CAPZA2: variants seen among roughly 807,000 people sequenced by gnomAD.
CAPZA2 encodes F-actin-capping protein subunit alpha-2.
CAPZA2 carries 13 observed loss-of-function variants against 44.0 expected under a neutral mutation model. That is an observed-to-expected ratio of 0.30 (90% CI 0.19 to 0.47). The LOEUF (loss-of-function observed/expected upper bound fraction) is 0.47, where lower values mean the gene tolerates loss of function less well. Ranked by LOEUF, CAPZA2 falls within the 20% of genes least tolerant of loss-of-function variation. CAPZA2 has a pLI of 1.00. For synonymous variants in CAPZA2, 94 were observed against 108.2 expected (o/e 0.87, Z 0.81); for missense variants, 244 against 338.6 (o/e 0.72, Z 2.19).
chr7:116,898,398 C>T (rs1050747068), intron 3 of CAPZA2, among the ~76,000 whole-genome samples: 7 of 151,858 alleles, frequency 4.6e-5, no homozygotes, highest in Admixed American at 3.3e-4. Flanking sequence ...GAGAATGTAT[C>T]TAAGTATTCT....
At chr7:116,864,193 G>C (rs1472419172) in intron 1 of CAPZA2, among the ~76,000 whole-genome samples, 3 of 152,114 alleles carry the variant, frequency 2.0e-5, no homozygotes, top group Non-Finnish European at 4.4e-5. Context: ...AGAGATTGTC[G>C]TGTTTTTATT....
chr7:116,894,121 T>C (rs1006435952), intron 3 of CAPZA2, among the ~76,000 whole-genome samples: 1 of 152,212 alleles, frequency 6.6e-6, no homozygotes, highest in African/African-American at 2.4e-5. Context: ...CCCAGCACTT[T>C]GGGAGGCCGA....
chr7:116,876,857 G>T (rs1159121748), intron 1 of CAPZA2, among the ~76,000 whole-genome samples: 1 of 152,228 alleles, frequency 6.6e-6, no homozygotes, highest in East Asian at 1.9e-4. Flanking sequence ...GCCCACATGG[G>T]AGTTGTGCTT....
chr7:116,864,896 A>C (rs959019828), intron 1 of CAPZA2, among the ~76,000 whole-genome samples: 1 of 152,166 alleles, frequency 6.6e-6, no homozygotes, highest in African/African-American at 2.4e-5. Flanking sequence ...TAAGTTTTGA[A>C]TACTTTTAAG....
At chr7:116,913,292 T>A (rs565827667) in intron 8 of CAPZA2, among the ~76,000 whole-genome samples, 6 of 152,310 alleles carry the variant, frequency 3.9e-5, no homozygotes, top group African/African-American at 1.4e-4. Context: ...TTTTTTCTTT[T>A]GTCATTTGAG....
At chr7:116,862,731 G>A (rs1796432917) in intron 1 of CAPZA2, 81 bp downstream of exon 1, 1 of 1,445,484 alleles carries the variant, frequency 6.9e-7, no homozygotes, top group South Asian at 1.3e-5. Flanking sequence ...TGGTCGCGGG[G>A]GAAGGGCATT....
intron 3 of CAPZA2, among the ~76,000 whole-genome samples, chr7:116,893,987 G>T (rs1028462368): frequency 6.6e-6 from 1 of 152,034 alleles, no homozygotes; most frequent in Non-Finnish European, 1.5e-5. Context: ...AAATGATGAA[G>T]TAGTGCATTC....
chr7:116,905,095 C>T (rs1335424027), intron 5 of CAPZA2, among the ~76,000 whole-genome samples: 2 of 148,288 alleles, frequency 1.3e-5, no homozygotes, highest in Non-Finnish European at 1.5e-5. Context: ...GCCGAGATTG[C>T]GCCACTCCAC....
rs1791749804 is a variant in CAPZA2, at chr7:116,920,234, G to C, written c.*2367G>C. The C allele has an allele frequency of 6.8e-6, 1 of 147,794 alleles. No homozygotes were observed. The highest frequency in any genetic ancestry group is 1.5e-5 in the Non-Finnish European group (1 of 66,480). 9.2% of individuals were successfully genotyped at this position (147,794 alleles called of 1,614,324 possible). A position where few individuals can be genotyped will look rare whatever the true frequency, so the allele number is the denominator to read the frequency against. On this transcript the variant is annotated 3_prime_UTR_variant, in exon 10 of 10. Transcript: ENST00000361183. ...TACTCCAGCCTGGGTGACACAGGGA[G>C]CCTCTGTCTCAAAATAATAATAATA...
intron 8 of CAPZA2, among the ~76,000 whole-genome samples, chr7:116,912,586 T>C (rs1390149644): frequency 6.6e-6 from 1 of 152,210 alleles, no homozygotes; most frequent in Non-Finnish European, 1.5e-5. Context: ...GTAATCATAA[T>C]ATATAGTCTT....
At chr7:116,870,963 A>C (rs1796547528) in intron 1 of CAPZA2, among the ~76,000 whole-genome samples, 1 of 152,170 alleles carries the variant, frequency 6.6e-6, no homozygotes, top group African/African-American at 2.4e-5. Context: ...GGTTGTACGG[A>C]GTTTGAGATG....
At position 116,909,239 on chromosome 7, in the gene CAPZA2, A is replaced by G. The variant is rs184650443; in HGVS notation, c.507-994A>G. Among the ~76,000 whole-genome samples, 293 of 152,278 alleles carry G rather than the reference A, an allele frequency of 1.9e-3. 2 individuals are homozygous for G. The highest frequency in any genetic ancestry group is 5.8e-3 in the African/African-American group (242 of 41,574). ...CAGAAATCATTGTCTAGCAAAAGCC[A>G]GTATAGTGATTAATTACCCTGTGAC... On this transcript the variant is annotated intron_variant, in intron 6 of 9. Transcript: ENST00000361183.
At chr7:116,886,791 G>A (rs1024081385) in intron 1 of CAPZA2, among the ~76,000 whole-genome samples, 3 of 152,100 alleles carry the variant, frequency 2.0e-5, no homozygotes, top group African/African-American at 4.8e-5. Context: ...ACACTTTCAG[G>A]GACACTACCT....
chr7:116,879,478 G>C (rs1248870210), intron 1 of CAPZA2, among the ~76,000 whole-genome samples: 1 of 152,166 alleles, frequency 6.6e-6, no homozygotes, highest in Non-Finnish European at 1.5e-5. Context: ...GGATAGCGGG[G>C]TGGGGATGGA....
At chr7:116,910,487 T>C (rs1791576785) in intron 7 of CAPZA2, among the ~76,000 whole-genome samples, 176 bp downstream of exon 7, 1 of 152,200 alleles carries the variant, frequency 6.6e-6, no homozygotes, top group African/African-American at 2.4e-5. Context: ...TGGCAGTTTA[T>C]TCCCTAGTCA....
chr7:116,862,995 CG>C (rs1256781453), intron 1 of CAPZA2, among the ~76,000 whole-genome samples: 7 of 152,162 alleles, frequency 4.6e-5, no homozygotes, highest in African/African-American at 1.2e-4. Context: ...GGGCCTCCGC[CG>C]GGGCCGGGGA....
At chr7:116,903,026 TTTAATGTG>T (rs1357428582) in intron 4 of CAPZA2, among the ~76,000 whole-genome samples, 1 of 152,180 alleles carries the variant, frequency 6.6e-6, no homozygotes, top group Non-Finnish European at 1.5e-5. Context: ...TTTCACCATT[TTTAATGTG>T]TTCCTCCTTT....
intron 1 of CAPZA2, among the ~76,000 whole-genome samples, chr7:116,873,276 A>G (rs570256032): frequency 6.6e-6 from 1 of 152,314 alleles, no homozygotes; most frequent in African/African-American, 2.4e-5. Flanking sequence ...TAATGGCTCT[A>G]GATGGCTGTT....
At chr7:116,897,614 G>C (rs1796944436) in intron 3 of CAPZA2, among the ~76,000 whole-genome samples, 1 of 152,048 alleles carries the variant, frequency 6.6e-6, no homozygotes, top group Non-Finnish European at 1.5e-5. Context: ...TCTGAGTTTG[G>C]AAATTCTCAG....
Sources: allele counts gnomAD v4.1 joint callset (sites outside exome capture counted in the v4.1 genomes callset), GRCh38; gene constraint gnomAD v4.1.1; transcripts MANE v1.5; gene names NCBI Gene and HGNC (gene_info 2026-07-23, HGNC 2026-07-21).